GALK2: variants seen among roughly 807,000 people sequenced by gnomAD.
GALK2 encodes the protein galactokinase 2.
A neutral mutation model predicts 52.4 loss-of-function variants in GALK2; 36 were observed. That is an observed-to-expected ratio of 0.69 (90% CI 0.53 to 0.91). The LOEUF (loss-of-function observed/expected upper bound fraction) is 0.91, where lower values mean the gene tolerates loss of function less well. Among genes scored for constraint, GALK2 ranks in the 40% least tolerant of loss-of-function variants. The pLI, the probability that GALK2 is intolerant of heterozygous loss-of-function variation, is 0.00. For synonymous variants in GALK2, 176 were observed against 199.1 expected (o/e 0.88, Z 0.98); for missense variants, 579 against 559.1 (o/e 1.04, Z -0.36).
At chr15:49,295,500 T>C (rs1318042060) in intron 8 of GALK2, among the ~76,000 whole-genome samples, 1 of 152,164 alleles carries the variant, frequency 6.6e-6, no homozygotes, top group Admixed American at 6.5e-5. Context: ...TTAATAGACA[T>C]TGAAAATGTT....
At chr15:49,225,134 A>T (rs1188201868) in intron 3 of GALK2, 1 of 448,194 alleles carries the variant, frequency 2.2e-6, no homozygotes, top group Middle Eastern at 4.2e-4. Context: ...CCCTCTCAGC[A>T]GGTCTGTTCC....
rs1214023831 is a variant in GALK2 at position 49,228,678 on chromosome 15, TATATATATA to T, written c.267-7172_267-7164del. 3.8e-4 allele frequency among the ~76,000 whole-genome samples: 6 copies of T among 15,844 alleles called. 1 individual carries two copies. Among genetic ancestry groups the T allele is most frequent in the African/African-American group, 1.6e-3 (6 of 3,782 alleles). The allele number at this position is 15,844 out of a possible 152,430, so 10.4% of individuals were successfully genotyped here. On this transcript the variant is annotated intron_variant, in intron 3 of 9. Transcript: ENST00000560031. ...TTTCACTGATATATATATATATATATATATATATATTTTTTTTTTTTTTTTTTTTTTTTG... is the reference window on the plus strand; with the variant it reads ...TTTCACTGATATATATATATATATATTTTTTTTTTTTTTTTTTTTTTTTTG...
intron 8 of GALK2, among the ~76,000 whole-genome samples, chr15:49,301,635 TAA>T (rs5812479): frequency 2.0e-5 from 3 of 148,232 alleles, no homozygotes; most frequent in Non-Finnish European, 3.0e-5. Flanking sequence ...GATTCTAGCT[TAA>T]AAAAAAAAAG....
chr15:49,354,297 C>G (rs903498951), intron 3 of GALK2, among the ~76,000 whole-genome samples: 1 of 152,200 alleles, frequency 6.6e-6, no homozygotes, highest in Non-Finnish European at 1.5e-5. Flanking sequence ...GTGAGCGACG[C>G]AGAAGACGGG....
At chr15:49,158,690 G>A (rs980955331) in intron 1 of GALK2, among the ~76,000 whole-genome samples, 5 of 152,080 alleles carry the variant, frequency 3.3e-5, no homozygotes, top group Non-Finnish European at 5.9e-5. Flanking sequence ...GAAATAAAGG[G>A]GAAAAACTGC....
At chr15:49,258,788 ATATATATG>A (rs1261667069) in intron 5 of GALK2, among the ~76,000 whole-genome samples, 2 of 113,594 alleles carry the variant, frequency 1.8e-5, no homozygotes, top group African/African-American at 7.8e-5. Flanking sequence ...ATATATATAT[ATATATATG>A]TGTGTGTGTG....
chr15:49,201,041 G>T, intron 1 of GALK2, 121 bp from the exon 2 acceptor site: 1 of 465,046 alleles, frequency 2.2e-6, no homozygotes, highest in South Asian at 4.8e-5. Flanking sequence ...ATTAATGGTG[G>T]CAGGCATATG....
chr15:49,241,111 GA>G (rs1418540046), intron 5 of GALK2, among the ~76,000 whole-genome samples: 1 of 152,092 alleles, frequency 6.6e-6, no homozygotes, highest in Admixed American at 6.5e-5. Context: ...AGATATGGGG[GA>G]AAAATAGGTT....
At chr15:49,321,958 G>C (rs1414433647) in intron 9 of GALK2, among the ~76,000 whole-genome samples, 1 of 152,210 alleles carries the variant, frequency 6.6e-6, no homozygotes, top group East Asian at 1.9e-4. Context: ...GGCTGGAAGT[G>C]AGGAAGCTTG....
chr15:49,175,091 C>A (rs963742276), intron 1 of GALK2, among the ~76,000 whole-genome samples: 3 of 152,176 alleles, frequency 2.0e-5, no homozygotes, highest in African/African-American at 7.2e-5. Flanking sequence ...GAGCCAAGCA[C>A]ATGCGCAGTG....
At chr15:49,274,127 C>A (rs1368751848) in intron 5 of GALK2, among the ~76,000 whole-genome samples, 1 of 152,178 alleles carries the variant, frequency 6.6e-6, no homozygotes, top group African/African-American at 2.4e-5. Context: ...CCTGTTGATG[C>A]ACAATTATGC....
intron 8 of GALK2, among the ~76,000 whole-genome samples, chr15:49,307,237 G>A (rs8025952): frequency 0.66 from 100,026 of 151,964 alleles, 33,528 homozygotes; most frequent in African/African-American, 0.74. Context: ...ATGATGGTGC[G>A]GGGCAGGTAT....
intron 3 of GALK2, among the ~76,000 whole-genome samples, chr15:49,227,368 A>G (rs970653786): frequency 2.6e-5 from 4 of 152,104 alleles, no homozygotes; most frequent in African/African-American, 9.7e-5. Flanking sequence ...TCCCTTTGTC[A>G]TTATATAATA....
chr15:49,160,591 G>A (rs2084619420), intron 1 of GALK2, among the ~76,000 whole-genome samples: 1 of 152,110 alleles, frequency 6.6e-6, no homozygotes, highest in Non-Finnish European at 1.5e-5. Flanking sequence ...CAGGCCGGGT[G>A]CGGTGGCTCA....
intron 3 of GALK2, among the ~76,000 whole-genome samples, chr15:49,348,045 C>T (rs540965385): frequency 7.7e-4 from 105 of 136,584 alleles, no homozygotes; most frequent in African/African-American, 2.5e-3. Flanking sequence ...AAAAAAAAGG[C>T]TAACATAAAA....
intron 3 of GALK2, among the ~76,000 whole-genome samples, chr15:49,220,523 G>C (rs1173716253): frequency 6.6e-6 from 1 of 152,054 alleles, no homozygotes; most frequent in Non-Finnish European, 1.5e-5. Context: ...TTGCTATTGT[G>C]AATGGTACTG....
chr15:49,265,054 C>T (rs1365423066), intron 5 of GALK2, among the ~76,000 whole-genome samples: 3 of 152,110 alleles, frequency 2.0e-5, no homozygotes, highest in Non-Finnish European at 2.9e-5. Flanking sequence ...GGCAGTCTGC[C>T]CATTCTCAGA....
chr15:49,219,870 G>A (rs1300425473), intron 3 of GALK2, among the ~76,000 whole-genome samples: 2 of 152,110 alleles, frequency 1.3e-5, no homozygotes, highest in Non-Finnish European at 2.9e-5. Flanking sequence ...CACCAGTGGT[G>A]TTACTAACAT....
At chr15:49,319,831 G>A (rs769546279) in intron 9 of GALK2, 26 bp downstream of exon 9, 3 of 1,592,450 alleles carry the variant, frequency 1.9e-6, no homozygotes, top group African/African-American at 2.7e-5. Flanking sequence ...GGGGGCCAAG[G>A]GATGCCATCA....
Sources: gnomAD v4.1 joint callset for allele counts (sites outside exome capture counted in the v4.1 genomes callset) on GRCh38, gnomAD v4.1.1 for gene constraint, MANE v1.5 for transcripts, NCBI Gene and HGNC (gene_info 2026-07-23, HGNC 2026-07-21) for gene names.